Variants in SEMA6D observed in about 807,000 individuals in gnomAD.
SEMA6D encodes the protein semaphorin 6D, also known as semaphorin-6D.
Under a neutral mutation model 106.6 loss-of-function variants are expected in SEMA6D, and 35 were observed. The observed-to-expected ratio is 0.33, with a 90% CI of 0.25 to 0.44. The LOEUF (loss-of-function observed/expected upper bound fraction) is 0.44, where lower values mean the gene tolerates loss of function less well. SEMA6D is among the 20% of genes least tolerant of loss of function. The pLI is 1.00. For synonymous variants in SEMA6D, 499 were observed against 487.7 expected (o/e 1.02, Z -0.31); for missense variants, 1,185 against 1,345.9 (o/e 0.88, Z 1.87).
chr15:47,184,519 G>A (rs574215015), intron 1 of SEMA6D: 2 of 152,324 alleles, frequency 1.3e-5, no homozygotes, highest in Non-Finnish European at 1.5e-5. Flanking sequence ...AAAGCGCACC[G>A]GGGAGCTCTG....
At chr15:47,334,889 A>G (rs2144238084) in intron 1 of SEMA6D, among the ~76,000 whole-genome samples, 1 of 152,312 alleles carries the variant, frequency 6.6e-6, no homozygotes, top group South Asian at 2.1e-4. Context: ...AATTCAAAAT[A>G]ATAAGAACCA....
At chr15:47,394,359 G>C (rs1030782608) in intron 1 of SEMA6D, among the ~76,000 whole-genome samples, 7 of 152,186 alleles carry the variant, frequency 4.6e-5, no homozygotes, top group African/African-American at 1.7e-4. Context: ...CACTTGAGCA[G>C]TTTACAATGG....
Position 47,347,496 on chromosome 15 carries a change from T to C in SEMA6D, c.-238-64897T>C, listed in dbSNP as rs570367968. Reference sequence around the variant, plus strand: ...ACCTGCTGGGCATCCATAATCACAGTGCAGGCACTAGAAAGCTGGAACTAA... The same window carrying C: ...ACCTGCTGGGCATCCATAATCACAGCGCAGGCACTAGAAAGCTGGAACTAA... On this transcript the variant is annotated intron_variant, in intron 1 of 19. Transcript: ENST00000558014. Among the ~76,000 whole-genome samples, 4 of 152,342 alleles carry C rather than the reference T, an allele frequency of 2.6e-5. No homozygotes were observed. In the South Asian group the frequency reaches 8.3e-4, roughly 32 times the overall value.
chr15:47,368,478 T>G (rs1422893023), intron 1 of SEMA6D, among the ~76,000 whole-genome samples: 1 of 84,050 alleles, frequency 1.2e-5, no homozygotes, highest in Non-Finnish European at 3.1e-5. Flanking sequence ...ATTTATTTAT[T>G]TATTTTTTTT....
intron 4 of SEMA6D, among the ~76,000 whole-genome samples, chr15:47,634,591 G>A (rs1238807628): frequency 6.6e-6 from 1 of 152,166 alleles, no homozygotes; most frequent in East Asian, 1.9e-4. Flanking sequence ...CCCTGTTGAT[G>A]CAGCAGAGGT....
intron 1 of SEMA6D, among the ~76,000 whole-genome samples, chr15:47,340,886 A>T (rs191955161): frequency 2.6e-3 from 401 of 152,250 alleles, no homozygotes; most frequent in Middle Eastern, 0.02. Flanking sequence ...AACTGTTGGG[A>T]GTGTTAAGTG....
intron 4 of SEMA6D, among the ~76,000 whole-genome samples, chr15:47,630,522 CA>C (rs1489673030): frequency 6.6e-6 from 1 of 151,690 alleles, no homozygotes; most frequent in East Asian, 1.9e-4. Context: ...TCTATGAAGA[CA>C]ATTACATCAT....
chr15:47,755,282 C>A (rs1047237652), intron 1 of SEMA6D, among the ~76,000 whole-genome samples: 4 of 152,038 alleles, frequency 2.6e-5, no homozygotes, highest in Non-Finnish European at 5.9e-5. Context: ...TTTATAGATT[C>A]CAGTTTTCTG....
At chr15:47,610,039 AGCCT>A (rs1209499661) in intron 4 of SEMA6D, among the ~76,000 whole-genome samples, 1 of 152,250 alleles carries the variant, frequency 6.6e-6, no homozygotes, top group African/African-American at 2.4e-5. Context: ...ACTGTCCAGC[AGCCT>A]GCAATAGAGT....
At chr15:47,730,921 CT>C (rs1258012303) in intron 1 of SEMA6D, 4 of 788,026 alleles carry the variant, frequency 5.1e-6, no homozygotes, top group East Asian at 5.1e-5. Flanking sequence ...CCTTGGCCTT[CT>C]TTCCTTTCAG....
At chr15:47,232,927 C>G (rs1404887983) in intron 1 of SEMA6D, among the ~76,000 whole-genome samples, 1 of 151,976 alleles carries the variant, frequency 6.6e-6, no homozygotes, top group Non-Finnish European at 1.5e-5. Context: ...CACACACATA[C>G]ACACAAATTA....
chr15:47,655,413 T>C (rs937951424), intron 4 of SEMA6D, among the ~76,000 whole-genome samples: 2 of 152,220 alleles, frequency 1.3e-5, no homozygotes, highest in African/African-American at 4.8e-5. Flanking sequence ...CTTAAATCTC[T>C]CTGAACAGAA....
chr15:47,520,643 A>C (rs2044543579), intron 3 of SEMA6D, among the ~76,000 whole-genome samples: 1 of 152,266 alleles, frequency 6.6e-6, no homozygotes, highest in Admixed American at 6.5e-5. Flanking sequence ...GTTTCTGAGA[A>C]GTATTCTGTG....
intron 4 of SEMA6D, among the ~76,000 whole-genome samples, chr15:47,690,252 G>T (rs1435234174): frequency 1.3e-5 from 2 of 152,164 alleles, no homozygotes; most frequent in Non-Finnish European, 2.9e-5. Flanking sequence ...TCAGAGGCTG[G>T]CTCCTAATTA....
In SEMA6D at chr15:47,770,629, T is replaced by C. The variant is rs371904497; in HGVS notation, c.2066T>C (p.Met689Thr). The change falls in exon 19 of 19, where the codon ATG becomes ACG. Residue 689 changes from methionine (M) to threonine (T), a missense_variant. Met to Thr is a moderately conservative substitution (Grantham distance 81, BLOSUM62 -1). Coordinates refer to ENST00000536845, the MANE Select transcript of SEMA6D (RefSeq NM_001358351.3). ...GTGGCAGTATACTGCTATCGAGACA[T>C]GTTTGTTCGGAAAAACAGAAAGATC... The part of the protein sequence containing the change: ...AGVAVYCYRD[M>T]FVRKNRKIHK... 7 of 1,613,944 alleles carry C rather than the reference T, an allele frequency of 4.3e-6. No individual in the cohort carries two copies. The East Asian group carries it at 1.3e-4, about 31-fold the overall frequency.
chr15:47,470,028 A>C (rs1417987535), intron 2 of SEMA6D, among the ~76,000 whole-genome samples: 3 of 149,540 alleles, frequency 2.0e-5, no homozygotes, highest in Non-Finnish European at 3.0e-5. Flanking sequence ...GAAAAAAAAA[A>C]CCCTATTAAT....
chr15:47,489,674 C>T (rs540959697), intron 3 of SEMA6D, among the ~76,000 whole-genome samples: 10 of 151,442 alleles, frequency 6.6e-5, no homozygotes, highest in South Asian at 2.1e-4. Context: ...TTTTTTGAGA[C>T]GGAGTCTTGC....
intron 4 of SEMA6D, among the ~76,000 whole-genome samples, chr15:47,601,980 A>G (rs2076670693): frequency 6.6e-6 from 1 of 152,238 alleles, no homozygotes; most frequent in Non-Finnish European, 1.5e-5. Flanking sequence ...CATAATAAGC[A>G]GAAACAAAAT....
intron 3 of SEMA6D, among the ~76,000 whole-genome samples, chr15:47,543,413 T>C (rs896261362): frequency 6.6e-6 from 1 of 152,128 alleles, no homozygotes; most frequent in African/African-American, 2.4e-5. Context: ...AGTTCCCCTG[T>C]ACACACTCTC....
Sources: gnomAD v4.1 joint callset for allele counts (sites outside exome capture counted in the v4.1 genomes callset) on GRCh38, gnomAD v4.1.1 for gene constraint, MANE v1.5 for transcripts, NCBI Gene and HGNC (gene_info 2026-07-23, HGNC 2026-07-21) for gene names.